The following EPC1 variants were observed in gnomAD, a reference collection of about 807,000 sequenced individuals.
EPC1 encodes enhancer of polycomb 1.
Under a neutral mutation model 98.4 loss-of-function variants are expected in EPC1, and 12 were observed. That is an observed-to-expected ratio of 0.12 (90% CI 0.08 to 0.20). EPC1 has a LOEUF of 0.20. Ranked by LOEUF, EPC1 falls within the 10% of genes least tolerant of loss-of-function variation. The pLI is 1.00. For missense variants in EPC1, 729 were observed against 990.5 expected, an observed-to-expected ratio of 0.74 and a Z score of 3.54; for synonymous variants, 357 against 363.9, an observed-to-expected ratio of 0.98 and a Z score of 0.21.
rs150808722 is a variant in EPC1, at chr10:32,284,875, A to C, written c.1567T>G (p.Ser523Ala). 3.1e-4 allele frequency: 506 copies of C among 1,614,188 alleles called. No individual in the cohort carries two copies. Among genetic ancestry groups the C allele is most frequent in the Admixed American group, 5.7e-4 (34 of 60,028 alleles). ...DLSQILVNIK[S>A]CRWRHFRPRT... ...GGCCTAAAATGCCGCCATCTACATG[A>C]TTTGATATTGACTAGTATCTGACTG... Residue 523 changes from serine (S) to alanine (A), a missense_variant, in exon 10 of 14, where the codon TCA becomes GCA. By Grantham distance (99) the Ser-to-Ala change is moderately conservative (BLOSUM62 1). Transcript: ENST00000319778.
chr10:32,275,937 A>AT (rs1244403671), intron 10 of EPC1, among the ~76,000 whole-genome samples: 1 of 146,272 alleles, frequency 6.8e-6, no homozygotes, highest in South Asian at 2.4e-4. Context: ...ACTCCGTCTC[A>AT]TAAAAAAAAA....
chr10:32,346,720 G>C (rs374769114), intron 1 of EPC1, 43 bp downstream of exon 1: 75 of 1,580,232 alleles, frequency 4.7e-5, no homozygotes, highest in Non-Finnish European at 6.3e-5. Flanking sequence ...GCAGCAGAGG[G>C]AGCGGGCCTG....
intron 1 of EPC1, among the ~76,000 whole-genome samples, chr10:32,336,696 A>G (rs1042843056): frequency 1.3e-5 from 2 of 151,762 alleles, no homozygotes; most frequent in African/African-American, 4.8e-5. Flanking sequence ...GTCATAATCA[A>G]CTCTTAACGA....
At chr10:32,352,361 C>A (rs981201286) in intron 1 of EPC1, among the ~76,000 whole-genome samples, 3 of 152,018 alleles carry the variant, frequency 2.0e-5, no homozygotes, top group Non-Finnish European at 4.4e-5. Flanking sequence ...TGTATTGATT[C>A]TTTTCAGTCT....
intron 1 of EPC1, among the ~76,000 whole-genome samples, chr10:32,371,493 T>TA (rs1839747359): frequency 6.6e-6 from 1 of 152,136 alleles, no homozygotes; most frequent in Non-Finnish European, 1.5e-5. Context: ...TTACCTACTT[T>TA]AAAAAAATCA....
chr10:32,339,565 A>C (rs552099091), intron 1 of EPC1, among the ~76,000 whole-genome samples: 66 of 152,220 alleles, frequency 4.3e-4, no homozygotes, highest in Middle Eastern at 3.4e-3. Context: ...TAATAATAAC[A>C]ACCTAAGTTA....
intron 6 of EPC1, among the ~76,000 whole-genome samples, chr10:32,290,055 C>T (rs1836909396): frequency 6.6e-6 from 1 of 152,174 alleles, no homozygotes; most frequent in African/African-American, 2.4e-5. Flanking sequence ...TTTCCTCTCA[C>T]AAATTTTATT....
intron 1 of EPC1, among the ~76,000 whole-genome samples, chr10:32,344,354 C>T (rs1838603584): frequency 6.6e-6 from 1 of 151,944 alleles, no homozygotes; most frequent in African/African-American, 2.4e-5. Context: ...TCTCCTCATA[C>T]ATAGCTTTGG....
chr10:32,337,669 TA>T (rs1344447259), intron 1 of EPC1, among the ~76,000 whole-genome samples: 3 of 152,228 alleles, frequency 2.0e-5, no homozygotes, highest in Non-Finnish European at 1.5e-5. Context: ...AACTAATTTT[TA>T]AAAGAAATCA....
chr10:32,364,278 C>G (rs977947763), intron 1 of EPC1, among the ~76,000 whole-genome samples: 1 of 151,860 alleles, frequency 6.6e-6, no homozygotes, highest in African/African-American at 2.4e-5. Flanking sequence ...AGGTGATCTG[C>G]CCGCCTCAGC....
At chr10:32,272,787 TAA>T (rs1278450686) in intron 11 of EPC1, among the ~76,000 whole-genome samples, 3 of 152,246 alleles carry the variant, frequency 2.0e-5, no homozygotes, top group Admixed American at 1.3e-4. Flanking sequence ...GCTTTAGGTT[TAA>T]AAGTTATCTC....
chr10:32,298,049 G>A (rs996898693), intron 2 of EPC1, among the ~76,000 whole-genome samples: 3 of 152,040 alleles, frequency 2.0e-5, no homozygotes, highest in Non-Finnish European at 4.4e-5. Context: ...TGCCCACCTC[G>A]GCCTCCCAAA....
intron 1 of EPC1, among the ~76,000 whole-genome samples, chr10:32,324,933 G>T (rs1837183048): frequency 6.6e-6 from 1 of 152,144 alleles, no homozygotes; most frequent in Non-Finnish European, 1.5e-5. Context: ...CCAGGTAACT[G>T]ACGTTGCAGT....
At chr10:32,371,480 C>A (rs916120566) in intron 1 of EPC1, among the ~76,000 whole-genome samples, 1 of 152,190 alleles carries the variant, frequency 6.6e-6, no homozygotes, top group Admixed American at 6.5e-5. Context: ...CTAAACTCTA[C>A]TTTTACCTAC....
chr10:32,369,108 G>A (rs1303569111), intron 1 of EPC1, among the ~76,000 whole-genome samples: 1 of 152,124 alleles, frequency 6.6e-6, no homozygotes, highest in Non-Finnish European at 1.5e-5. Context: ...GAATAACATT[G>A]GAAATTGTGA....
At chr10:32,317,569 G>T (rs754534712) in intron 1 of EPC1, among the ~76,000 whole-genome samples, 1 of 152,172 alleles carries the variant, frequency 6.6e-6, no homozygotes, top group Non-Finnish European at 1.5e-5. Context: ...TTGAGCCTGG[G>T]AGGTGGAGGT....
intron 1 of EPC1, among the ~76,000 whole-genome samples, chr10:32,341,032 T>C (rs925651040): frequency 6.6e-6 from 1 of 152,198 alleles, no homozygotes; most frequent in African/African-American, 2.4e-5. Context: ...CATATCACTT[T>C]TGCCCTTAGA....
At chr10:32,366,068 G>T (rs542549909) in intron 1 of EPC1, among the ~76,000 whole-genome samples, 1 of 152,098 alleles carries the variant, frequency 6.6e-6, no homozygotes, top group Non-Finnish European at 1.5e-5. Flanking sequence ...GGGAAGAGGA[G>T]GTTGCAGTGA....
chr10:32,308,321 C>T (rs1036619974), intron 1 of EPC1, among the ~76,000 whole-genome samples: 1 of 151,328 alleles, frequency 6.6e-6, no homozygotes, highest in Non-Finnish European at 1.5e-5. Context: ...ATCTGGGAGG[C>T]GGAGGTTTCA....
Sources: allele counts gnomAD v4.1 joint callset (sites outside exome capture counted in the v4.1 genomes callset), GRCh38; gene constraint gnomAD v4.1.1; transcripts MANE v1.5; gene names NCBI Gene and HGNC (gene_info 2026-07-23, HGNC 2026-07-21).